Variants in EYS observed in about 807,000 individuals in gnomAD.
The protein encoded by EYS is EGF-like photoreceptor maintenance factor, also known as protein eyes shut homolog.
In EYS, 250 loss-of-function variants were observed where a neutral mutation model predicts 282.1. That is an observed-to-expected ratio of 0.89 (90% CI 0.80 to 0.98). The LOEUF (loss-of-function observed/expected upper bound fraction) is 0.98. Ranked by LOEUF, EYS falls within the 50% of genes least tolerant of loss-of-function variation. The probability of loss-of-function intolerance (pLI) is 0.00; values close to 1 mark genes in which losing one functional copy is unlikely to be tolerated. For missense variants in EYS, 4,016 were observed against 3,709.0 expected (o/e 1.08, Z -2.15); for synonymous variants, 1,355 against 1,282.9 (o/e 1.06, Z -1.20).
At chr6:65,216,744 CTT>C (rs754235446) in intron 12 of EYS, among the ~76,000 whole-genome samples, 29 of 151,628 alleles carry the variant, frequency 1.9e-4, no homozygotes, top group Admixed American at 4.6e-4. Context: ...AAAACACAAT[CTT>C]AAACTGTTAT....
At chr6:64,289,097 C>T (rs1003163683) in intron 30 of EYS, among the ~76,000 whole-genome samples, 4 of 152,040 alleles carry the variant, frequency 2.6e-5, no homozygotes, top group East Asian at 1.9e-4. Flanking sequence ...TAACCCATCA[C>T]GCCTTCATTA....
intron 7 of EYS, among the ~76,000 whole-genome samples, chr6:65,385,527 A>G (rs1038467902): frequency 1.3e-5 from 2 of 151,938 alleles, no homozygotes; most frequent in Admixed American, 1.3e-4. Flanking sequence ...GCCAGTCACT[A>G]GGCTAATTAC....
In EYS at chr6:64,618,070, T is replaced by A. The variant is rs118028556; in HGVS notation, c.3569-537A>T. 1.8e-3 allele frequency among the ~76,000 whole-genome samples: 269 copies of A among 152,302 alleles called. 4 individuals carry two copies. The East Asian group carries it at 0.044, about 25-fold the overall frequency. On this transcript the variant is annotated intron_variant, in intron 23 of 42. Coordinates refer to ENST00000503581, the MANE Select transcript of EYS (RefSeq NM_001142800.2). ...ATAGAATATAAGTATTGTGTCTACG[T>A]ACATTTGGCCATTGGCTGTAAGAAT...
intron 12 of EYS, among the ~76,000 whole-genome samples, chr6:65,236,138 A>G (rs1766916763): frequency 6.6e-6 from 1 of 152,042 alleles, no homozygotes; most frequent in South Asian, 2.1e-4. Context: ...CTTACATATG[A>G]TTAATTACTC....
chr6:63,769,058 A>C (rs1182216821), intron 40 of EYS, among the ~76,000 whole-genome samples: 1 of 152,088 alleles, frequency 6.6e-6, no homozygotes, highest in Admixed American at 6.6e-5. Context: ...AACGATAGGC[A>C]CTGGGGACTA....
At chr6:64,533,692 C>T (rs1253151558) in intron 26 of EYS, among the ~76,000 whole-genome samples, 1 of 151,896 alleles carries the variant, frequency 6.6e-6, no homozygotes, top group Admixed American at 6.6e-5. Flanking sequence ...ACTAAAAATA[C>T]TTGTTTAAGC....
intron 2 of EYS, among the ~76,000 whole-genome samples, chr6:65,573,056 T>C (rs571750984): frequency 1.3e-5 from 2 of 152,226 alleles, no homozygotes; most frequent in African/African-American, 2.4e-5. Context: ...TTAGCCTTTA[T>C]GGTTATGTTA....
At chr6:64,986,196 T>C (rs1377081942) in intron 14 of EYS, among the ~76,000 whole-genome samples, 12 of 151,524 alleles carry the variant, frequency 7.9e-5, no homozygotes, top group Admixed American at 4.0e-4. Context: ...TAAAAAAGAA[T>C]ATAGAAAAAA....
At chr6:64,667,155 C>A (rs1356351757) in intron 22 of EYS, among the ~76,000 whole-genome samples, 1 of 149,858 alleles carries the variant, frequency 6.7e-6, no homozygotes, top group Non-Finnish European at 1.5e-5. Flanking sequence ...TGTAAGAGCA[C>A]AGAGAACTTA....
chr6:65,268,418 A>T (rs1767813415), intron 12 of EYS, among the ~76,000 whole-genome samples: 1 of 152,116 alleles, frequency 6.6e-6, no homozygotes, highest in Non-Finnish European at 1.5e-5. Context: ...ATATAAGTAA[A>T]CAATAGTTAT....
intron 29 of EYS, among the ~76,000 whole-genome samples, chr6:64,352,976 T>C (rs1197618251): frequency 6.6e-6 from 1 of 151,552 alleles, no homozygotes; most frequent in Non-Finnish European, 1.5e-5. Context: ...TTGTTGGGTC[T>C]TATGTTCACT....
At chr6:64,155,346 T>TTC (rs917826587) in intron 31 of EYS, among the ~76,000 whole-genome samples, 1 of 64,206 alleles carries the variant, frequency 1.6e-5, no homozygotes, top group African/African-American at 6.2e-5. Flanking sequence ...AGCACATAAT[T>TTC]TTTTTTTTTT....
intron 22 of EYS, among the ~76,000 whole-genome samples, chr6:64,771,841 G>A (rs1048141573): frequency 5.3e-5 from 8 of 151,712 alleles, no homozygotes; most frequent in African/African-American, 1.9e-4. Flanking sequence ...TGTATGCAAT[G>A]TTCTAAATGT....
chr6:64,732,707 A>G (rs368586590), intron 22 of EYS, among the ~76,000 whole-genome samples: 1 of 151,702 alleles, frequency 6.6e-6, no homozygotes, highest in South Asian at 2.1e-4. Context: ...AGGCTCAGAT[A>G]CCTCAGGGAT....
chr6:64,573,694 A>G (rs1765794461), intron 26 of EYS, among the ~76,000 whole-genome samples: 1 of 152,222 alleles, frequency 6.6e-6, no homozygotes, highest in African/African-American at 2.4e-5. Flanking sequence ...ATCAGTGGTC[A>G]TTAGAGGAAT....
chr6:65,423,239 A>C (rs914779348), intron 5 of EYS, among the ~76,000 whole-genome samples: 3 of 151,834 alleles, frequency 2.0e-5, no homozygotes, highest in African/African-American at 7.2e-5. Flanking sequence ...GCAACATTTT[A>C]TTTCTTGATC....
intron 30 of EYS, among the ~76,000 whole-genome samples, chr6:64,303,922 A>G (rs1268598177): frequency 3.9e-5 from 6 of 151,976 alleles, no homozygotes; most frequent in African/African-American, 1.5e-4. Context: ...TTAATAGCTT[A>G]AAGTACATAC....
chr6:64,826,663 T>C (rs936555529), intron 19 of EYS, among the ~76,000 whole-genome samples: 1 of 137,578 alleles, frequency 7.3e-6, no homozygotes, highest in African/African-American at 2.7e-5. Context: ...ATTCCTATTA[T>C]ATAAATACAT....
intron 35 of EYS, among the ~76,000 whole-genome samples, chr6:63,888,275 T>C (rs1257456867): frequency 6.6e-6 from 1 of 152,212 alleles, no homozygotes; most frequent in Non-Finnish European, 1.5e-5. Context: ...CCCAGCACAG[T>C]GCTCAAGCTC....
Sources: gnomAD v4.1 joint callset for allele counts (sites outside exome capture counted in the v4.1 genomes callset) on GRCh38, gnomAD v4.1.1 for gene constraint, MANE v1.5 for transcripts, NCBI Gene and HGNC (gene_info 2026-07-23, HGNC 2026-07-21) for gene names.